Variants in MAGEB10 observed in about 807,000 individuals in gnomAD.
MAGEB10 encodes the protein MAGE family member B10, also known as melanoma-associated antigen B10.
For synonymous variants in MAGEB10, 99 were observed against 101.0 expected, an observed-to-expected ratio of 0.98 and a Z score of 0.12; for missense variants, 190 against 261.9, an observed-to-expected ratio of 0.73 and a Z score of 1.89.
rs1160795228 is a variant in MAGEB10, at chrX:27,822,553, C to T, written c.*203C>T. 1.2e-5 allele frequency: 5 copies of T among 407,319 alleles called. No homozygotes were observed. Among genetic ancestry groups the T allele is most frequent in the Non-Finnish European group, 1.7e-5 (4 of 235,691 alleles). 33.6% of individuals were successfully genotyped at this position (407,319 alleles called of 1,213,427 possible). A position where few individuals can be genotyped will look rare whatever the true frequency, so the allele number is the denominator to read the frequency against. Reference sequence around the variant, plus strand: ...ATCTAAGTTTATGAATGACATTGCTCAAATTTTTCTGTATGTGAGATTAAG... The same window carrying T: ...ATCTAAGTTTATGAATGACATTGCTTAAATTTTTCTGTATGTGAGATTAAG... On this transcript the variant is annotated 3_prime_UTR_variant, in exon 3 of 3. Transcript: ENST00000356790.
intron 1 of MAGEB10, among the ~76,000 whole-genome samples, chrX:27,810,089 G>C (rs1923647362): frequency 9.0e-6 from 1 of 111,419 alleles, no homozygotes; most frequent in South Asian, 3.8e-4. Flanking sequence ...GATGTGGGTG[G>C]GGCCAGATAA....
intron 1 of MAGEB10, among the ~76,000 whole-genome samples, chrX:27,810,553 C>T (rs1923658839): frequency 9.0e-6 from 1 of 111,480 alleles, no homozygotes; most frequent in South Asian, 3.8e-4. Flanking sequence ...AGGTCCCTAG[C>T]GTGGCTGTAA....
intron 1 of MAGEB10, among the ~76,000 whole-genome samples, chrX:27,809,250 C>CG (rs1245085243): frequency 2.6e-4 from 29 of 109,949 alleles, no homozygotes; most frequent in African/African-American, 9.6e-4. Context: ...GCAGGCCCCC[C>CG]GGCCCAGGCA....
intron 2 of MAGEB10, among the ~76,000 whole-genome samples, chrX:27,819,170 C>A (rs914308800): frequency 1.8e-5 from 2 of 110,607 alleles, no homozygotes; most frequent in African/African-American, 6.6e-5. Context: ...TGGTTGGGGA[C>A]GAAGGCTTTG....
intron 2 of MAGEB10, among the ~76,000 whole-genome samples, chrX:27,818,271 G>A (rs1381494376): frequency 4.5e-5 from 5 of 111,102 alleles, no homozygotes; most frequent in Non-Finnish European, 7.5e-5. Context: ...CCTTTCCAGT[G>A]TAGCAGGGTT....
At chrX:27,809,588 T>C (rs1203353453) in intron 1 of MAGEB10, among the ~76,000 whole-genome samples, 1 of 18,674 alleles carries the variant, frequency 5.4e-5, no homozygotes, top group Non-Finnish European at 9.2e-5. Flanking sequence ...CCACCCCCCC[T>C]CCTGTCCTAC....
intron 1 of MAGEB10, among the ~76,000 whole-genome samples, chrX:27,808,747 G>A (rs1386418581): frequency 8.9e-6 from 1 of 111,820 alleles, no homozygotes; most frequent in Non-Finnish European, 1.9e-5. Context: ...TGAGATAAGG[G>A]TCTTAGAACC....
In MAGEB10 at chrX:27,821,358, G is replaced by A. The variant is rs769430072; in HGVS notation, c.52G>A (p.Ala18Thr). The change falls in exon 3 of 3, where the codon GCC becomes ACC. Residue 18 changes from alanine to threonine, a missense_variant. Transcript: ENST00000356790. ...KLRAREKRRQ[A>T]RGGLEDLIDA... is the part of the protein sequence containing the mutation. ...CCGTGCCAGGGAAAAACGCCGTCAGGCCCGAGGAGGGCTGGAAGATTTGAT... is the reference window on the plus strand; with the variant it reads ...CCGTGCCAGGGAAAAACGCCGTCAGACCCGAGGAGGGCTGGAAGATTTGAT... The A allele has an allele frequency of 4.1e-6, 5 of 1,211,746 alleles. No homozygotes were observed. Among genetic ancestry groups the A allele is most frequent in the Non-Finnish European group, 5.6e-6 (5 of 895,450 alleles).
rs1243160909 is a variant in MAGEB10, at chrX:27,809,329, C to T, written c.-199+1293C>T. 4.9e-5 allele frequency among the ~76,000 whole-genome samples: 5 copies of T among 102,302 alleles called. No homozygotes were observed. The East Asian group carries it at 1.3e-3, about 27-fold the overall frequency. 88.8% of individuals were successfully genotyped at this position (102,302 alleles called of 115,157 possible). ...TCTCGCCAGGCCTTAGCTTCCTTCC[C>T]GTGGGGCAGGGCTCAGGACCTGCAG... On this transcript the variant is annotated intron_variant, in intron 1 of 2. Coordinates refer to ENST00000356790, the MANE Select transcript of MAGEB10 (RefSeq NM_182506.3).
intron 1 of MAGEB10, among the ~76,000 whole-genome samples, chrX:27,810,008 T>A (rs188174712): frequency 6.3e-5 from 7 of 110,254 alleles, no homozygotes; most frequent in Admixed American, 3.8e-4. Flanking sequence ...AGCTCAGGGA[T>A]TGTAAATGCA....
At chrX:27,810,782 C>CT (rs1301621995) in intron 1 of MAGEB10, among the ~76,000 whole-genome samples, 3 of 73,560 alleles carry the variant, frequency 4.1e-5, no homozygotes, top group African/African-American at 1.5e-4. Context: ...CAGCATGACT[C>CT]TCGGCTAAGG....
chrX:27,815,252 T>G (rs1336300785), intron 1 of MAGEB10, among the ~76,000 whole-genome samples: 1 of 112,463 alleles, frequency 8.9e-6, no homozygotes, highest in Non-Finnish European at 1.9e-5. Context: ...TAACTTTCCT[T>G]CCTTTCTCCT....
At chrX:27,817,475 A>C (rs1258192638) in intron 1 of MAGEB10, 79 bp from the exon 2 acceptor site, 1 of 111,119 alleles carries the variant, frequency 9.0e-6, no homozygotes, top group African/African-American at 3.3e-5. Context: ...TGTGCAACAA[A>C]AATACACTGT....
chrX:27,813,345 G>A (rs1416126469), intron 1 of MAGEB10, among the ~76,000 whole-genome samples: 1 of 112,111 alleles, frequency 8.9e-6, no homozygotes, highest in African/African-American at 3.3e-5. Context: ...AGTCTGTTCT[G>A]TAAAATTAAG....
chrX:27,821,215 C>A, intron 2 of MAGEB10, 43 bp from the exon 3 acceptor site: 1 of 783,078 alleles, frequency 1.3e-6, no homozygotes, highest in Non-Finnish European at 1.9e-6. Context: ...AGTTGTATCT[C>A]TCTGCTGAAT....
At chrX:27,809,153 G>T (rs902108504) in intron 1 of MAGEB10, among the ~76,000 whole-genome samples, 1 of 111,526 alleles carries the variant, frequency 9.0e-6, no homozygotes, top group East Asian at 2.9e-4. Flanking sequence ...AGGCCTGGGC[G>T]GGAACCAGGG....
chrX:27,812,729 C>T, intron 1 of MAGEB10: 1 of 370,336 alleles, frequency 2.7e-6, no homozygotes, highest in Non-Finnish European at 5.4e-6. Context: ...ATGCTGAAAC[C>T]AGCAAGATGA....
intron 1 of MAGEB10, among the ~76,000 whole-genome samples, chrX:27,809,384 C>G (rs1343230432): frequency 5.0e-5 from 3 of 59,676 alleles, no homozygotes; most frequent in African/African-American, 2.0e-4. Flanking sequence ...TCCCACCCCC[C>G]CAACCCCGCC....
intron 2 of MAGEB10, 48 bp downstream of exon 2, chrX:27,817,750 T>C (rs1487184884): frequency 1.8e-5 from 2 of 111,492 alleles, no homozygotes; most frequent in African/African-American, 3.3e-5. Flanking sequence ...TGCTCCACAA[T>C]ATGCCTTAGA....
Sources: allele counts gnomAD v4.1 joint callset (sites outside exome capture counted in the v4.1 genomes callset), GRCh38; gene constraint gnomAD v4.1.1; transcripts MANE v1.5; gene names NCBI Gene and HGNC (gene_info 2026-07-23, HGNC 2026-07-21).